Variants in KRT75 observed in about 807,000 individuals in gnomAD.
KRT75 encodes the protein keratin, type II cytoskeletal 75.
Under a neutral mutation model 48.8 loss-of-function variants are expected in KRT75, and 35 were observed. The ratio of observed to expected loss-of-function variants is 0.72; its 90% CI spans 0.55 to 0.95. KRT75 has a LOEUF of 0.95. Among genes scored for constraint, KRT75 ranks in the 40% least tolerant of loss-of-function variants. KRT75 has a pLI of 0.00. For synonymous variants in KRT75, 301 were observed against 282.3 expected (o/e 1.07, Z -0.66); for missense variants, 776 against 709.9 (o/e 1.09, Z -1.06).
chr12:52,432,238 A>C (rs1241648466), intron 2 of KRT75, among the ~76,000 whole-genome samples, 172 bp from the exon 3 acceptor site: 1 of 152,166 alleles, frequency 6.6e-6, no homozygotes, highest in East Asian at 1.9e-4. Context: ...AAAGGGGGAT[A>C]ATTTCTTCTG....
Position 52,434,056 on chromosome 12 carries a change from G to A in KRT75, c.249C>T (p.Gly83=). The change falls in exon 1 of 9, where the codon GGC becomes GGT. Residue 83 remains glycine (G), a synonymous_variant. Coordinates refer to ENST00000252245, the MANE Select transcript of KRT75 (RefSeq NM_004693.3). Reference sequence around the variant, plus strand: ...ACCTGTTGCTGGCCCTGCCACCAAAGCCACTTCGGCAGCTGCTGCCACACC... The same window carrying A: ...ACCTGTTGCTGGCCCTGCCACCAAAACCACTTCGGCAGCTGCTGCCACACC... ...INGCGSSCRS[G]FGGRASNRFG... 1 of 1,614,148 alleles carries A rather than the reference G, an allele frequency of 6.2e-7. No individual in the cohort carries two copies. The highest frequency in any genetic ancestry group is 8.5e-7 in the Non-Finnish European group (1 of 1,180,016).
At position 52,433,162 on chromosome 12, in the gene KRT75, C is replaced by T. The variant is rs755945870; in HGVS notation, c.589G>A (p.Glu197Lys). Residue 197 changes from glutamate (E) to lysine (K), a missense_variant, in exon 2 of 9, where the codon GAG (glutamate) becomes AAG (lysine). Glu to Lys is a moderately conservative substitution (Grantham distance 56). Coordinates refer to ENST00000252245, the MANE Select transcript of KRT75 (RefSeq NM_004693.3). ...QGSRTVRQNL[E>K]PLFDSYTSEL... ...CTGGTATAGGAATCAAAGAGGGGCT[C>T]TAGGTTCTGCCTCACAGTCCTGGAG... 6.2e-7 allele frequency: 1 copy of T among 1,614,074 alleles called. No individual in the cohort carries two copies.
chr12:52,429,193 C>T (rs577999358), intron 5 of KRT75, among the ~76,000 whole-genome samples: 4 of 152,230 alleles, frequency 2.6e-5, no homozygotes, highest in African/African-American at 7.2e-5. Context: ...AGGAGTGAGA[C>T]GGTGATTTGA....
intron 1 of KRT75, 37 bp downstream of exon 1, chr12:52,433,770 T>C (rs1160438509): frequency 6.2e-7 from 1 of 1,613,682 alleles, no homozygotes; most frequent in Admixed American, 1.7e-5. Flanking sequence ...GTTTATTTGA[T>C]CCCAAACCCA....
At chr12:52,426,131 TG>T (rs1940072946) in intron 8 of KRT75, among the ~76,000 whole-genome samples, 1 of 152,190 alleles carries the variant, frequency 6.6e-6, no homozygotes. Context: ...GAGGGTGAGT[TG>T]TAAGAGTCAT....
At chr12:52,425,095 C>T (rs772629825) in intron 8 of KRT75, among the ~76,000 whole-genome samples, 1 of 151,420 alleles carries the variant, frequency 6.6e-6, no homozygotes, top group Non-Finnish European at 1.5e-5. Context: ...TCCAGAGTTT[C>T]TCTTCCTTCT....
At chr12:52,431,683 G>A (rs978135261) in intron 3 of KRT75, 45 bp from the exon 4 acceptor site, 5 of 1,353,906 alleles carry the variant, frequency 3.7e-6, no homozygotes, top group Non-Finnish European at 5.3e-6. Context: ...GCAGCCCCAA[G>A]TATCTAGTCC....
At chr12:52,429,512 C>G (rs1165028204) in intron 5 of KRT75, among the ~76,000 whole-genome samples, 3 of 152,190 alleles carry the variant, frequency 2.0e-5, no homozygotes, top group African/African-American at 7.2e-5. Flanking sequence ...AGGAGATCCC[C>G]TGCCAGAGTC....
At chr12:52,431,763 T>C in intron 3 of KRT75, 125 bp from the exon 4 acceptor site, 1 of 850,944 alleles carries the variant, frequency 1.2e-6, no homozygotes, top group East Asian at 2.5e-5. Context: ...GTCTGGGTGA[T>C]TTGGGGTTGG....
chr12:52,425,142 T>G (rs1004288766), intron 8 of KRT75, among the ~76,000 whole-genome samples: 2 of 152,138 alleles, frequency 1.3e-5, no homozygotes, highest in Admixed American at 1.3e-4. Flanking sequence ...TCCTCTTCCC[T>G]CAGCGTCTCC....
At position 52,431,606 on chromosome 12, in the gene KRT75, C is replaced by G. The variant is rs986549260; in HGVS notation, c.807G>C (p.Glu269Asp). 19 of 1,613,972 alleles carry G rather than the reference C, an allele frequency of 1.2e-5. No individual in the cohort carries two copies. The highest frequency in any genetic ancestry group is 4.0e-5 in the African/African-American group (3 of 74,934). ...DVDAAYMNKV[E>D]LEAKVKSLPE... Reference sequence around the variant, plus strand: ...GCAGAGATTTGACCTTGGCTTCCAGCTCCACCTTGTTCATATAGGCAGCAT... The same window carrying G: ...GCAGAGATTTGACCTTGGCTTCCAGGTCCACCTTGTTCATATAGGCAGCAT... Residue 269 changes from glutamate to aspartate, a missense_variant, in exon 4 of 9, where the codon GAG becomes GAC. By Grantham distance (45) the Glu-to-Asp change is conservative. Transcript: ENST00000252245.
chr12:52,432,481 G>A (rs1940157674), intron 2 of KRT75, among the ~76,000 whole-genome samples: 1 of 152,142 alleles, frequency 6.6e-6, no homozygotes, highest in South Asian at 2.1e-4. Flanking sequence ...TGAGAAATAT[G>A]CTTTTTGTAA....
At position 52,433,965 on chromosome 12, in the gene KRT75, G is replaced by T; in HGVS notation, c.340C>A (p.Pro114Thr). 1.2e-6 allele frequency: 2 copies of T among 1,614,152 alleles called. No homozygotes were observed. The highest frequency in any genetic ancestry group is 1.7e-6 in the Non-Finnish European group (2 of 1,180,020). ...VGGGFSGPSF[P>T]VCPPGGIQEV... Reference sequence around the variant, plus strand: ...TGGATGCCTCCAGGGGGACACACGGGGAAGCTGGGGCCACTGAAGCCTCCT... The same window carrying T: ...TGGATGCCTCCAGGGGGACACACGGTGAAGCTGGGGCCACTGAAGCCTCCT... The change falls in exon 1 of 9, where the codon CCC becomes ACC. Residue 114 changes from proline (P) to threonine (T), a missense_variant. Pro to Thr is a conservative substitution (Grantham distance 38, BLOSUM62 -1). Transcript: ENST00000252245.
intron 8 of KRT75, 85 bp downstream of exon 8, chr12:52,426,732 A>C: frequency 7.4e-7 from 1 of 1,346,968 alleles, no homozygotes; most frequent in South Asian, 1.2e-5. Context: ...AACCCGTCAT[A>C]TCTTCACCCT....
chr12:52,424,156 A>G lies in KRT75; in HGVS notation c.*361T>C. The stretch of plus-strand genomic sequence containing the variant: ...CAGCAGGCCACTTATAAACACTATG[A>G]GACAGGTGGGTGACAACCTGGCATT... On this transcript the variant is annotated 3_prime_UTR_variant, in exon 9 of 9. Transcript: ENST00000252245. The G allele has an allele frequency of 2.6e-6, 1 of 383,934 alleles. No individual in the cohort carries two copies. Among genetic ancestry groups the G allele is most frequent in the Non-Finnish European group, 5.0e-6 (1 of 200,652 alleles). 23.8% of individuals were successfully genotyped at this position (383,934 alleles called of 1,614,324 possible).
chr12:52,432,003 C>T lies in KRT75; in HGVS notation c.774+3G>A, dbSNP rs748057653. On this transcript the variant is annotated splice_donor_region_variant and intron_variant, in intron 3 of 8. Coordinates refer to ENST00000252245, the MANE Select transcript of KRT75 (RefSeq NM_004693.3). ...CTCCTTTGAGAGAAACATCCCCACT[C>T]ACCTTTTTCAGGGCTACAAATTCAT... 5 of 1,613,994 alleles carry T rather than the reference C, an allele frequency of 3.1e-6. No homozygotes were observed. The highest frequency in any genetic ancestry group is 1.6e-4 in the Middle Eastern group (1 of 6,084).
In KRT75 at chr12:52,433,137, C is replaced by G; in HGVS notation, c.614G>C (p.Ser205Thr). ...GCTTTCCAGCTGCCGTCGGAGCTCACTGGTATAGGAATCAAAGAGGGGCTC... is the reference window on the plus strand; with the variant it reads ...GCTTTCCAGCTGCCGTCGGAGCTCAGTGGTATAGGAATCAAAGAGGGGCTC... ...NLEPLFDSYTSELRRQLESIT... is the reference protein window; with the variant it reads ...NLEPLFDSYTTELRRQLESIT... The change falls in exon 2 of 9, where the codon AGT becomes ACT. Residue 205 changes from serine (S) to threonine (T), a missense_variant. By Grantham distance (58) the Ser-to-Thr change is moderately conservative (BLOSUM62 1). Transcript: ENST00000252245. The G allele has an allele frequency of 6.2e-7, 1 of 1,613,932 alleles. No homozygotes were observed. Among genetic ancestry groups the G allele is most frequent in the East Asian group, 2.2e-5 (1 of 44,854 alleles).
At position 52,424,431 on chromosome 12, in the gene KRT75, A is replaced by T; in HGVS notation, c.*86T>A. On this transcript the variant is annotated 3_prime_UTR_variant, in exon 9 of 9. Transcript: ENST00000252245. ...CCCAGCAGCACAGGTGCACCTTACA[A>T]GGAGAGAGGAAGGAGGAGGACCCTG... 8.2e-7 allele frequency: 1 copy of T among 1,219,900 alleles called. No homozygotes were observed. The highest frequency in any genetic ancestry group is 1.2e-6 in the Non-Finnish European group (1 of 820,712). The allele number at this position is 1,219,900 out of a possible 1,614,324, so 75.6% of individuals were successfully genotyped here. A position where few individuals can be genotyped will look rare whatever the true frequency, so the allele number is the denominator to read the frequency against.
chr12:52,433,724 T>C, intron 1 of KRT75, 83 bp downstream of exon 1: 1 of 1,593,408 alleles, frequency 6.3e-7, no homozygotes, highest in Non-Finnish European at 8.6e-7. Context: ...GGTCATTGCA[T>C]TATTGCTCTC....
Sources: allele counts gnomAD v4.1 joint callset (sites outside exome capture counted in the v4.1 genomes callset), GRCh38; gene constraint gnomAD v4.1.1; transcripts MANE v1.5; gene names NCBI Gene and HGNC (gene_info 2026-07-23, HGNC 2026-07-21).